Variants in ADAR observed in about 807,000 individuals in gnomAD.
ADAR encodes the protein adenosine deaminase RNA specific, also known as double-stranded RNA-specific adenosine deaminase.
ADAR carries 41 observed loss-of-function variants against 113.2 expected under a neutral mutation model. The observed-to-expected ratio is 0.36, with a 90% CI of 0.28 to 0.47. The LOEUF (loss-of-function observed/expected upper bound fraction) is 0.47. Among genes scored for constraint, ADAR ranks in the 20% least tolerant of loss-of-function variants. ADAR has a pLI of 1.00. For synonymous variants in ADAR, 605 were observed against 572.6 expected (o/e 1.06, Z -0.81); for missense variants, 1,242 against 1,540.9 (o/e 0.81, Z 3.25).
chr1:154,588,388 C>T, intron 10 of ADAR, 130 bp from the exon 11 acceptor site: 1 of 1,500,674 alleles, frequency 6.7e-7, no homozygotes, highest in South Asian at 1.1e-5. Flanking sequence ...TGGAGGTGGA[C>T]AGCAGTACAT....
chr1:154,601,936 A>G lies in ADAR; in HGVS notation c.706T>C (p.Ser236Pro). 6.2e-7 allele frequency: 1 copy of G among 1,613,486 alleles called. No homozygotes were observed. The highest frequency in any genetic ancestry group is 8.5e-7 in the Non-Finnish European group (1 of 1,179,946). Residue 236 changes from serine to proline, a missense_variant, in exon 2 of 15, where the codon TCT becomes CCT. This residue lies in a region of ADAR where 462 missense variants were observed against 483.1 expected (regional missense o/e 0.96). Transcript: ENST00000368474. This position sits in a 1 kb window ranked among gnomAD's most constrained non-coding sequence, Gnocchi z 4.7. ...GGCTCAAGAAGATCTTCTGAGACAG[A>G]TGTGGAGTTTCTGTCTTCCGGTTCC... ...SLEPEDRNST[S>P]VSEDLLEPFI...
intron 1 of ADAR, among the ~76,000 whole-genome samples, chr1:154,604,070 T>A (rs999093884): frequency 6.6e-6 from 1 of 152,208 alleles, no homozygotes; most frequent in Non-Finnish European, 1.5e-5. Flanking sequence ...CCTCAAATCC[T>A]GCAACTCTTT....
intron 13 of ADAR, 105 bp from the exon 14 acceptor site, chr1:154,585,449 T>G (rs1696695481): frequency 6.5e-7 from 1 of 1,540,084 alleles, no homozygotes; most frequent in African/African-American, 1.4e-5. Context: ...GGGGTCATGA[T>G]CTTTCCCCTG....
Position 154,608,093 on chromosome 1 carries a change from C to CA in ADAR, c.-88dup, listed in dbSNP as rs2101670786. 6.9e-7 allele frequency: 1 copy of CA among 1,453,374 alleles called. No individual in the cohort carries two copies. The highest frequency in any genetic ancestry group is 2.8e-5 in the Admixed American group (1 of 36,002). 90.0% of individuals were successfully genotyped at this position (1,453,374 alleles called of 1,614,324 possible). The stretch of plus-strand genomic sequence containing the variant: ...GGCCGCGCCAGCCCCTCGAGGCCCC[C>CA]ACGCCTCCGCTACTCCGCACTGGAA... On this transcript the variant is annotated 5_prime_UTR_variant, in exon 1 of 15. Coordinates refer to ENST00000368474, the MANE Select transcript of ADAR (RefSeq NM_001111.5).
intron 13 of ADAR, 146 bp downstream of exon 13, chr1:154,585,604 TTGG>T (rs1696707174): frequency 1.1e-6 from 1 of 879,620 alleles, no homozygotes; most frequent in South Asian, 1.5e-5. Flanking sequence ...CCAACCAATG[TTGG>T]TGGTGGGCCA....
chr1:154,622,503 T>G (rs924245660), intron 1 of ADAR, among the ~76,000 whole-genome samples: 1 of 152,186 alleles, frequency 6.6e-6, no homozygotes, highest in African/African-American at 2.4e-5. Flanking sequence ...AGTGCTTAAA[T>G]AAATGTTTTA....
chr1:154,585,991 A>AG, intron 12 of ADAR, 126 bp from the exon 13 acceptor site: 2 of 1,176,760 alleles, frequency 1.7e-6, no homozygotes, highest in Non-Finnish European at 2.5e-6. Flanking sequence ...CTGCCTTGTT[A>AG]GGAAGCACCT....
At position 154,588,594 on chromosome 1, in the gene ADAR, T is replaced by C. The variant is rs2101578630; in HGVS notation, c.2842A>G (p.Lys948Glu). Residue 948 changes from lysine to glutamate, a missense_variant, in exon 10 of 15, where the codon AAG (lysine) becomes GAG (glutamate). Lys to Glu is a moderately conservative substitution (Grantham distance 56, BLOSUM62 1). Around this residue, in one of 2 missense-constraint regions of ADAR, gnomAD observed 780 missense variants for 1,057.9 expected, o/e 0.74. Coordinates refer to ENST00000368474, the MANE Select transcript of ADAR (RefSeq NM_001111.5). ...SIFEPAKGGEKLQIKKTVSFH... is the reference protein window; with the variant it reads ...SIFEPAKGGEELQIKKTVSFH... ...GACACAGTCTTTTTTATTTGGAGCT[T>C]TTCTCCTCCCTTAGCAGGTTCAAAT... 1 of 1,614,174 alleles carries C rather than the reference T, an allele frequency of 6.2e-7. No homozygotes were observed. The highest frequency in any genetic ancestry group is 8.5e-7 in the Non-Finnish European group (1 of 1,180,042).
intron 9 of ADAR, 46 bp downstream of exon 9, chr1:154,589,323 G>C: frequency 6.7e-7 from 1 of 1,489,548 alleles, no homozygotes. Context: ...GGGAACTGGA[G>C]CTCTCCACAG....
At position 154,597,888 on chromosome 1, in the gene ADAR, T is replaced by G; in HGVS notation, c.1874A>C (p.Lys625Thr). 6.2e-7 allele frequency: 1 copy of G among 1,614,126 alleles called. No homozygotes were observed. Among genetic ancestry groups the G allele is most frequent in the Middle Eastern group, 1.7e-4 (1 of 6,058 alleles). Residue 625 changes from lysine (K) to threonine (T), a missense_variant, in exon 4 of 15, where the codon AAA becomes ACA. Physicochemically the swap from Lys to Thr is moderately conservative, Grantham distance 78 (BLOSUM62 -1). Transcript: ENST00000368474. ...ACGGAATTCGCAGGAGTTCCCCAAT[T>G]TGTGCATACACTCAAGCAGTGTGGT... ...PVTTLLECMH[K>T]LGNSCEFRLL...
Position 154,601,038 on chromosome 1 carries a change from T to TA in ADAR, c.1601+2dup, listed in dbSNP as rs1697838155. The TA allele has an allele frequency of 6.2e-7, 1 of 1,613,974 alleles. No individual in the cohort carries two copies. Among genetic ancestry groups the TA allele is most frequent in the Non-Finnish European group, 8.5e-7 (1 of 1,180,028 alleles). On this transcript the variant is annotated splice_region_variant and intron_variant, in intron 2 of 14. Coordinates refer to ENST00000368474, the MANE Select transcript of ADAR (RefSeq NM_001111.5). This position sits in a 1 kb window ranked among gnomAD's most constrained non-coding sequence, Gnocchi z 4.7. ...TAGGTACAGTTCCTGGGTGGTCTCT[T>TA]ACCGAGGTTCATGGGGTGGTCCACT...
intron 1 of ADAR, among the ~76,000 whole-genome samples, chr1:154,616,491 A>G (rs984766893): frequency 2.6e-5 from 4 of 151,912 alleles, no homozygotes; most frequent in Non-Finnish European, 4.4e-5. Flanking sequence ...CCACTATCCT[A>G]TGATTTGCCC....
chr1:154,600,856 G>T, intron 2 of ADAR, 185 bp downstream of exon 2: 1 of 806,182 alleles, frequency 1.2e-6, no homozygotes, highest in Non-Finnish European at 2.0e-6. Flanking sequence ...GCTGGTCCAA[G>T]GTCTATATTC....
chr1:154,587,791 G>A (rs1026271125), intron 11 of ADAR, among the ~76,000 whole-genome samples: 1 of 152,154 alleles, frequency 6.6e-6, no homozygotes, highest in Non-Finnish European at 1.5e-5. Context: ...CCGCTTTCTT[G>A]AGGTAATCCT....
At chr1:154,613,019 G>A (rs1698533939), upstream of ADAR, among the ~76,000 whole-genome samples, 1 of 151,928 alleles carries the variant, frequency 6.6e-6, no homozygotes, top group Non-Finnish European at 1.5e-5. Flanking sequence ...CACCGTGTTA[G>A]CCAGGATGGT....
intron 1 of ADAR, among the ~76,000 whole-genome samples, chr1:154,605,708 T>C (rs1482636519): frequency 2.6e-5 from 4 of 152,178 alleles, no homozygotes; most frequent in Admixed American, 2.0e-4. Context: ...AAGCAATCAT[T>C]TCTTTCTTGT....
At chr1:154,603,482 C>T (rs946911332) in intron 1 of ADAR, among the ~76,000 whole-genome samples, 1 of 152,160 alleles carries the variant, frequency 6.6e-6, no homozygotes, top group Non-Finnish European at 1.5e-5. Flanking sequence ...ATCTGCTCCT[C>T]ACCACCTCAG....
At chr1:154,585,106 G>C in intron 14 of ADAR, 63 bp from the exon 15 acceptor site, 2 of 1,608,430 alleles carry the variant, frequency 1.2e-6, no homozygotes, top group East Asian at 2.2e-5. Context: ...TCACAGTGGA[G>C]ACACCGTGGG....
chr1:154,594,094 C>G (rs180861673), intron 6 of ADAR, among the ~76,000 whole-genome samples: 42 of 152,286 alleles, frequency 2.8e-4, no homozygotes, highest in African/African-American at 9.9e-4. Context: ...GTTGGCCAGG[C>G]TGGTCTCAAA....
Sources: allele counts gnomAD v4.1 joint callset (sites outside exome capture counted in the v4.1 genomes callset), GRCh38; gene constraint gnomAD v4.1.1; regional missense constraint gnomAD v4.1.1; non-coding constraint Gnocchi (gnomAD v3.1); transcripts MANE v1.5; gene names NCBI Gene and HGNC (gene_info 2026-07-23, HGNC 2026-07-21).